Variants in CSMD1 observed in about 807,000 individuals in gnomAD.
CSMD1 encodes the protein CUB and Sushi multiple domains 1, also known as CUB and sushi domain-containing protein 1.
A neutral mutation model predicts 417.5 loss-of-function variants in CSMD1; 213 were observed. That is an observed-to-expected ratio of 0.51 (90% CI 0.46 to 0.57). The LOEUF is 0.57. CSMD1 is among the 20% of genes least tolerant of loss of function. The pLI is 0.00. For missense variants in CSMD1, 6,923 were observed against 4,529.7 expected, an observed-to-expected ratio of 1.53 and a Z score of -15.17; for synonymous variants, 2,862 against 1,736.8, an observed-to-expected ratio of 1.65 and a Z score of -16.11.
chr8:3,243,078 G>C (rs901984247), intron 26 of CSMD1, among the ~76,000 whole-genome samples: 1 of 152,282 alleles, frequency 6.6e-6, no homozygotes, highest in Non-Finnish European at 1.5e-5. Flanking sequence ...GAAATTAACA[G>C]AAGGGAGAGA....
intron 3 of CSMD1, among the ~76,000 whole-genome samples, chr8:4,094,272 T>A (rs1800882520): frequency 6.6e-6 from 1 of 151,938 alleles, no homozygotes; most frequent in African/African-American, 2.4e-5. Flanking sequence ...GGTGATCTAC[T>A]GGGGGAGGCG....
intron 30 of CSMD1, among the ~76,000 whole-genome samples, chr8:3,209,431 C>G (rs1430071500): frequency 6.6e-6 from 1 of 152,058 alleles, no homozygotes; most frequent in Non-Finnish European, 1.5e-5. Context: ...ATTCTCCTGC[C>G]TCAGCCTCCC....
intron 1 of CSMD1, among the ~76,000 whole-genome samples, chr8:4,822,503 A>G (rs920262680): frequency 2.6e-5 from 4 of 152,068 alleles, no homozygotes; most frequent in African/African-American, 7.2e-5. Context: ...TTTCTCATTT[A>G]CCTGGGCCAC....
rs67685469 is a variant in CSMD1 at position 3,575,844 on chromosome 8, GTTT to G, written c.1223-781_1223-779del. On this transcript the variant is annotated intron_variant, in intron 9 of 69. Transcript: ENST00000635120. Reference sequence around the variant, plus strand: ...AATTGGCCTCCAGTTTATGAAAGGAGTTTTTTTTTTTTTAAATCAATACACATA... The same window carrying G: ...AATTGGCCTCCAGTTTATGAAAGGAGTTTTTTTTTTAAATCAATACACATA... Among the ~76,000 whole-genome samples, 493 of 149,428 alleles carry G rather than the reference GTTT, an allele frequency of 3.3e-3. 4 individuals carry two copies. Among genetic ancestry groups the G allele is most frequent in the African/African-American group, 0.01 (417 of 40,252 alleles).
At chr8:3,455,337 T>C (rs886496341) in intron 12 of CSMD1, among the ~76,000 whole-genome samples, 6 of 152,248 alleles carry the variant, frequency 3.9e-5, no homozygotes, top group African/African-American at 1.4e-4. Context: ...CTGTCCAACG[T>C]TGCTCCATTG....
chr8:3,148,216 T>C (rs1469419725), intron 40 of CSMD1, among the ~76,000 whole-genome samples: 1 of 152,184 alleles, frequency 6.6e-6, no homozygotes, highest in Non-Finnish European at 1.5e-5. Flanking sequence ...TCTGCTATAT[T>C]CCCATTTTGT....
At chr8:4,664,267 G>C (rs911690062) in intron 1 of CSMD1, among the ~76,000 whole-genome samples, 7 of 152,196 alleles carry the variant, frequency 4.6e-5, no homozygotes, top group African/African-American at 1.7e-4. Context: ...CTAGTAAGAA[G>C]AGATTTTCAA....
intron 1 of CSMD1, among the ~76,000 whole-genome samples, chr8:4,836,654 G>A (rs1281177818): frequency 6.6e-6 from 1 of 152,176 alleles, no homozygotes; most frequent in East Asian, 1.9e-4. Context: ...AGTACTTAAT[G>A]ATGCTTTGAA....
chr8:3,475,689 G>C (rs143707865), intron 11 of CSMD1, among the ~76,000 whole-genome samples: 1 of 152,164 alleles, frequency 6.6e-6, no homozygotes, highest in African/African-American at 2.4e-5. Context: ...TGATATGTCT[G>C]GTTGCAGTCA....
At chr8:3,306,624 A>C (rs932505770) in intron 25 of CSMD1, among the ~76,000 whole-genome samples, 3 of 152,162 alleles carry the variant, frequency 2.0e-5, no homozygotes, top group Non-Finnish European at 4.4e-5. Flanking sequence ...AGTTTCTCAA[A>C]AGCAAATTTT....
intron 25 of CSMD1, among the ~76,000 whole-genome samples, chr8:3,289,442 A>C (rs1215350517): frequency 6.8e-6 from 1 of 147,502 alleles, no homozygotes. Flanking sequence ...AGTCCCACCA[A>C]CAGTGTAAAA....
chr8:4,611,795 T>C (rs1801188839), intron 2 of CSMD1, among the ~76,000 whole-genome samples: 1 of 152,210 alleles, frequency 6.6e-6, no homozygotes, highest in African/African-American at 2.4e-5. Flanking sequence ...CCTCTCCTGC[T>C]TTGTACACAT....
chr8:3,940,082 T>G (rs1810773075), intron 5 of CSMD1, among the ~76,000 whole-genome samples: 1 of 148,950 alleles, frequency 6.7e-6, no homozygotes, highest in Non-Finnish European at 1.5e-5. Flanking sequence ...TATAAAAACT[T>G]ATAAATGCAG....
At chr8:4,393,241 G>A (rs1394817769) in intron 3 of CSMD1, among the ~76,000 whole-genome samples, 2 of 152,156 alleles carry the variant, frequency 1.3e-5, no homozygotes, top group African/African-American at 4.8e-5. Flanking sequence ...CTCCCAAAGT[G>A]CTGGGATTAC....
At chr8:3,485,256 T>A (rs542198876) in intron 11 of CSMD1, among the ~76,000 whole-genome samples, 1 of 152,190 alleles carries the variant, frequency 6.6e-6, no homozygotes, top group Non-Finnish European at 1.5e-5. Flanking sequence ...GTACACAAAG[T>A]CCAGGGAATT....
At chr8:4,145,871 G>C (rs565386434) in intron 3 of CSMD1, among the ~76,000 whole-genome samples, 3 of 151,188 alleles carry the variant, frequency 2.0e-5, no homozygotes, top group Admixed American at 6.6e-5. Flanking sequence ...AATTTGTTGA[G>C]TTTTCAAAAT....
chr8:4,777,939 T>C (rs1233006615), intron 1 of CSMD1, among the ~76,000 whole-genome samples: 1 of 152,180 alleles, frequency 6.6e-6, no homozygotes, highest in African/African-American at 2.4e-5. Flanking sequence ...AATACGGTTG[T>C]AGTAGGGATG....
intron 2 of CSMD1, among the ~76,000 whole-genome samples, chr8:4,573,420 G>T (rs1447782935): frequency 6.6e-6 from 1 of 152,148 alleles, no homozygotes; most frequent in Non-Finnish European, 1.5e-5. Context: ...GTCCACTCCA[G>T]ACCCTCTTTC....
At chr8:4,258,194 C>T (rs1393264999) in intron 3 of CSMD1, among the ~76,000 whole-genome samples, 1 of 149,978 alleles carries the variant, frequency 6.7e-6, no homozygotes, top group Non-Finnish European at 1.5e-5. Context: ...ATCTTCCTGG[C>T]TTGGCCTTCC....
Sources: allele counts gnomAD v4.1 joint callset (sites outside exome capture counted in the v4.1 genomes callset), GRCh38; gene constraint gnomAD v4.1.1; transcripts MANE v1.5; gene names NCBI Gene and HGNC (gene_info 2026-07-23, HGNC 2026-07-21).